CEP162: variants seen among roughly 807,000 people sequenced by gnomAD.
CEP162 encodes the protein centrosomal protein 162.
Under a neutral mutation model 169.2 loss-of-function variants are expected in CEP162, and 141 were observed. That is an observed-to-expected ratio of 0.83 (90% CI 0.73 to 0.96). The LOEUF is 0.96. Among genes scored for constraint, CEP162 ranks in the 40% least tolerant of loss-of-function variants. The pLI, the probability that CEP162 is intolerant of heterozygous loss-of-function variation, is 0.00. For missense variants in CEP162, 1,600 were observed against 1,587.2 expected (o/e 1.01, Z -0.14); for synonymous variants, 540 against 526.4 (o/e 1.03, Z -0.35).
chr6:84,174,922 C>T lies in CEP162; in HGVS notation c.1830G>A (p.Glu610=), dbSNP rs1250196481. 4 of 1,590,374 alleles carry T rather than the reference C, an allele frequency of 2.5e-6. No homozygotes were observed. The highest frequency in any genetic ancestry group is 1.3e-5 in the African/African-American group (1 of 74,496). ...CTCTTTTAAACATAAGTAATTTCTTCTCCTTGTTCTCACCACAGTATCCTA... is the reference window on the plus strand; with the variant it reads ...CTCTTTTAAACATAAGTAATTTCTTTTCCTTGTTCTCACCACAGTATCCTA... The part of the protein sequence containing the change: ...DSLGYCGENK[E]KKLLMFKRVQ... Residue 610 remains glutamate, a synonymous_variant, in exon 15 of 27, where the codon GAG becomes GAA. Coordinates refer to ENST00000403245, the MANE Select transcript of CEP162 (RefSeq NM_014895.4).
chr6:84,152,053 T>A lies in CEP162; in HGVS notation c.3629+492A>T, dbSNP rs1270093634. ...AGAGACAGTGGATAGCAAATGGAGA[T>A]AGTGAGAAGGAAATGGATGAGTATA... On this transcript the variant is annotated intron_variant, in intron 23 of 26. Transcript: ENST00000403245. Among the ~76,000 whole-genome samples, 32 of 152,016 alleles carry A rather than the reference T, an allele frequency of 2.1e-4. 1 individual carries two copies. The highest frequency in any genetic ancestry group is 2.1e-3 in the Admixed American group (32 of 15,242).
chr6:84,163,196 T>C lies in CEP162; in HGVS notation c.2460A>G (p.Glu820=). ...QDKQALEVDF[E]KMKKERDQAK... ...CTTGGTCCCTCTCTTTCTTCATTTTTTCGAAGTCTACTTCAAGAGCTTGTT... is the reference window on the plus strand; with the variant it reads ...CTTGGTCCCTCTCTTTCTTCATTTTCTCGAAGTCTACTTCAAGAGCTTGTT... The change falls in exon 19 of 27, where the codon GAA becomes GAG. Residue 820 remains glutamate (E), a synonymous_variant. Coordinates refer to ENST00000403245, the MANE Select transcript of CEP162 (RefSeq NM_014895.4). 1.2e-6 allele frequency: 2 copies of C among 1,613,286 alleles called. No homozygotes were observed. Among genetic ancestry groups the C allele is most frequent in the Non-Finnish European group, 1.7e-6 (2 of 1,179,438 alleles).
chr6:84,218,665 C>T (rs938701339), intron 3 of CEP162, among the ~76,000 whole-genome samples: 6 of 152,090 alleles, frequency 3.9e-5, no homozygotes, highest in Admixed American at 6.5e-5. Context: ...TAAGAAGTCA[C>T]GAATTTTGAC....
rs760663372 is a variant in CEP162, at chr6:84,153,152, G to A, written c.3022C>T (p.Gln1008Ter). Residue 1008 changes from glutamine (Q) to a stop codon, truncating the protein, a stop_gained, in exon 23 of 27, where the codon CAG becomes TAG. Transcript: ENST00000403245. LOFTEE classifies it high-confidence loss of function. ...AATTTGCAGGCAAGTAGCTGCTCCT[G>A]CTGCTCTAGTCTTTGTTCATACTGA... ...KIQYEQRLEQ[Q>*]EQLLACKLNQ... The A allele has an allele frequency of 2.5e-6, 4 of 1,607,902 alleles. No individual in the cohort carries two copies. The highest frequency in any genetic ancestry group is 1.7e-4 in the Middle Eastern group (1 of 6,010).
At chr6:84,137,210 G>A (rs1242202152) in intron 25 of CEP162, among the ~76,000 whole-genome samples, 8 of 152,164 alleles carry the variant, frequency 5.3e-5, no homozygotes, top group African/African-American at 1.4e-4. Context: ...AGAGAAATGC[G>A]TCATGCTGCC....
intron 1 of CEP162, among the ~76,000 whole-genome samples, chr6:84,227,341 T>C (rs62449331): frequency 4.9e-4 from 74 of 152,184 alleles, no homozygotes; most frequent in Non-Finnish European, 9.8e-4. Context: ...GGTTAAGGTC[T>C]TGGCCTGAAT....
intron 11 of CEP162, among the ~76,000 whole-genome samples, chr6:84,191,691 T>C (rs1213056109): frequency 1.3e-5 from 2 of 152,184 alleles, no homozygotes. Flanking sequence ...TTCAGATGCA[T>C]ATAGCCCTGA....
chr6:84,126,966 T>C (rs952501756), intron 25 of CEP162, among the ~76,000 whole-genome samples: 1 of 152,192 alleles, frequency 6.6e-6, no homozygotes, highest in Non-Finnish European at 1.5e-5. Flanking sequence ...TAATTCTCTA[T>C]GGCCCTTATC....
intron 22 of CEP162, 33 bp downstream of exon 22, chr6:84,155,265 T>C (rs2099522706): frequency 8.4e-6 from 13 of 1,545,658 alleles, no homozygotes; most frequent in Non-Finnish European, 8.9e-6. Context: ...TGTTCATCTC[T>C]GACCTTTATC....
intron 13 of CEP162, among the ~76,000 whole-genome samples, chr6:84,182,377 A>C (rs1349993811): frequency 6.6e-6 from 1 of 152,160 alleles, no homozygotes; most frequent in African/African-American, 2.4e-5. Context: ...CATGGCAAAA[A>C]AAATACTTAG....
rs1268589240 is a variant in CEP162, at chr6:84,146,759, T to G, written c.3798A>C (p.Gln1266His). The change falls in exon 25 of 27, where the codon CAA (glutamine) becomes CAC (histidine). Residue 1266 changes from glutamine to histidine, a missense_variant. Gln to His is a conservative substitution (Grantham distance 24). Coordinates refer to ENST00000403245, the MANE Select transcript of CEP162 (RefSeq NM_014895.4). ...CTTGTTTACTCTGCAGCTCATTAAC[T>G]TGACTTTGGAAATGTCTTATAAGTA... is the stretch of plus-strand genomic sequence containing the variant. Reference protein sequence around the residue: ...QEVLIRHFQSQVNELQSKQES... With the variant: ...QEVLIRHFQSHVNELQSKQES... The G allele has an allele frequency of 1.3e-6, 2 of 1,576,596 alleles. No homozygotes were observed. The highest frequency in any genetic ancestry group is 1.7e-4 in the Middle Eastern group (1 of 5,986).
intron 25 of CEP162, 145 bp from the exon 26 acceptor site, chr6:84,126,657 C>G: frequency 1.8e-6 from 1 of 544,840 alleles, no homozygotes; most frequent in Non-Finnish European, 3.0e-6. Flanking sequence ...CTTTCATTCT[C>G]TATATCCAGA....
At position 84,160,958 on chromosome 6, in the gene CEP162, A is replaced by C. The variant is rs746929022; in HGVS notation, c.2677-42T>G. On this transcript the variant is annotated intron_variant, in intron 20 of 26. Transcript: ENST00000403245. ...AACATGTTAAGAAGCATATGTAAAC[A>C]TAACAGAAAAGCTCCAAGGGGAAAG... is the stretch of plus-strand genomic sequence containing the variant. 2.6e-5 allele frequency: 35 copies of C among 1,329,400 alleles called. No homozygotes were observed. The highest frequency in any genetic ancestry group is 3.6e-5 in the Non-Finnish European group (33 of 927,100). 82.4% of individuals were successfully genotyped at this position (1,329,400 alleles called of 1,614,324 possible).
At chr6:84,224,354 A>C (rs1318081688) in intron 2 of CEP162, among the ~76,000 whole-genome samples, 1 of 152,220 alleles carries the variant, frequency 6.6e-6, no homozygotes, top group Non-Finnish European at 1.5e-5. Flanking sequence ...TAGAGACAGA[A>C]GTCAGCTTAG....
intron 18 of CEP162, among the ~76,000 whole-genome samples, chr6:84,163,905 G>C (rs764649023): frequency 4.6e-5 from 7 of 151,400 alleles, no homozygotes; most frequent in Non-Finnish European, 7.4e-5. Flanking sequence ...ACTATCGTCA[G>C]AGTGAACAGG....
rs769308813 is a variant in CEP162 at position 84,174,886 on chromosome 6, T to C, written c.1866A>G (p.Ala622=). 5 of 1,611,962 alleles carry C rather than the reference T, an allele frequency of 3.1e-6. No homozygotes were observed. Among genetic ancestry groups the C allele is most frequent in the Non-Finnish European group, 4.2e-6 (5 of 1,179,068 alleles). The change falls in exon 15 of 27, where the codon GCA becomes GCG. Residue 622 remains alanine (A), a synonymous_variant. Coordinates refer to ENST00000403245, the MANE Select transcript of CEP162 (RefSeq NM_014895.4). ...KLLMFKRVQE[A]EDKWRGAQAL... is the part of the protein sequence containing the mutation. ...CTTGCGCACCCCTCCATTTATCCTC[T>C]GCTTCCTGAACTCTTTTAAACATAA...
At position 84,137,982 on chromosome 6, in the gene CEP162, G is replaced by A. The variant is rs79778325; in HGVS notation, c.3870+8705C>T. 2.0e-4 allele frequency among the ~76,000 whole-genome samples: 31 copies of A among 152,246 alleles called. 1 individual carries two copies. The East Asian group carries it at 6.0e-3, about 29-fold the overall frequency. On this transcript the variant is annotated intron_variant, in intron 25 of 26. Coordinates refer to ENST00000403245, the MANE Select transcript of CEP162 (RefSeq NM_014895.4). Reference sequence around the variant, plus strand: ...ACAAAGGCATGAAACATAATGAAGAGTTTAGAAACATCCTTTCAGATTTCT... The same window carrying A: ...ACAAAGGCATGAAACATAATGAAGAATTTAGAAACATCCTTTCAGATTTCT...
chr6:84,159,653 C>T lies in CEP162; in HGVS notation c.2781+1159G>A, dbSNP rs1183468120. 2.1e-5 allele frequency among the ~76,000 whole-genome samples: 3 copies of T among 142,872 alleles called. No homozygotes were observed. The East Asian group carries it at 6.5e-4, about 31-fold the overall frequency. 93.7% of individuals were successfully genotyped at this position (142,872 alleles called of 152,430 possible). A position where few individuals can be genotyped will look rare whatever the true frequency, so the allele number is the denominator to read the frequency against. On this transcript the variant is annotated intron_variant, in intron 21 of 26. Transcript: ENST00000403245. ...GATCTTGGCTCATTCCAACTTCTAC[C>T]TCCCAGGTTCAAGTGATTCTCTTGC...
chr6:84,136,362 T>C (rs2099514045), intron 25 of CEP162, among the ~76,000 whole-genome samples: 1 of 152,184 alleles, frequency 6.6e-6, no homozygotes, highest in Non-Finnish European at 1.5e-5. Flanking sequence ...TTTGCTGCAT[T>C]AACCCATGAC....
Sources: gnomAD v4.1 joint callset for allele counts (sites outside exome capture counted in the v4.1 genomes callset) on GRCh38, gnomAD v4.1.1 for gene constraint, MANE v1.5 for transcripts, NCBI Gene and HGNC (gene_info 2026-07-23, HGNC 2026-07-21) for gene names.